Variants in DNM1 observed in about 807,000 individuals in gnomAD.
DNM1 encodes dynamin-1.
Under a neutral mutation model 104.6 loss-of-function variants are expected in DNM1, and 29 were observed. The observed-to-expected ratio is 0.28, with a 90% CI of 0.21 to 0.38. DNM1 has a LOEUF of 0.38. Among genes scored for constraint, DNM1 ranks in the 10% least tolerant of loss-of-function variants. DNM1 has a pLI of 1.00. For synonymous variants in DNM1, 445 were observed against 475.8 expected, an observed-to-expected ratio of 0.94 and a Z score of 0.84; for missense variants, 640 against 1,189.4, an observed-to-expected ratio of 0.54 and a Z score of 6.79.
rs1249567677 is a variant in DNM1 at position 128,255,041 on chromosome 9, T to C, written c.*327T>C. ...TTGTGGCCCAACTACCAGAGAACGC[T>C]GTCCCCCGACATCCCACTCCAAAGT... On this transcript the variant is annotated 3_prime_UTR_variant, in exon 22 of 22. Transcript: ENST00000372923. 4.6e-6 allele frequency: 1 copy of C among 219,710 alleles called. No homozygotes were observed. The highest frequency in any genetic ancestry group is 2.3e-5 in the African/African-American group (1 of 42,610). The allele number at this position is 219,710 out of a possible 1,614,324, so 13.6% of individuals were successfully genotyped here.
chr9:128,214,665 G>A (rs1473443270), intron 1 of DNM1, among the ~76,000 whole-genome samples: 1 of 152,194 alleles, frequency 6.6e-6, no homozygotes, highest in African/African-American at 2.4e-5. Flanking sequence ...GTTCCTGAGA[G>A]GTGTTTGTTT....
At chr9:128,226,136 G>T (rs1333989754) in intron 10 of DNM1, 1 of 1,612,900 alleles carries the variant, frequency 6.2e-7, no homozygotes. Flanking sequence ...ATGGTAGTCA[G>T]TGAGCTCACA....
At chr9:128,208,352 C>T (rs891089593) in intron 1 of DNM1, among the ~76,000 whole-genome samples, 1 of 152,240 alleles carries the variant, frequency 6.6e-6, no homozygotes, top group Non-Finnish European at 1.5e-5. Flanking sequence ...AGCCATAGCA[C>T]TCAGCTCTCT....
intron 19 of DNM1, among the ~76,000 whole-genome samples, chr9:128,249,291 C>G (rs1468602467): frequency 2.0e-5 from 3 of 152,274 alleles, no homozygotes; most frequent in African/African-American, 4.8e-5. Flanking sequence ...AGGAGGATCA[C>G]TTGAGCCCAG....
At chr9:128,237,500 C>T (rs1836089801) in intron 11 of DNM1, among the ~76,000 whole-genome samples, 1 of 152,010 alleles carries the variant, frequency 6.6e-6, no homozygotes, top group Admixed American at 6.6e-5. Flanking sequence ...AACTTGTGAC[C>T]TCAAGCGATC....
rs545443150 is a variant in DNM1 at position 128,247,617 on chromosome 9, C to T, written c.1893+131C>T. ...CTCAGAAATAATAGGAATCCTCCCC[C>T]CTACCCACTCTGGGGGTGGGAACAG... On this transcript the variant is annotated intron_variant, in intron 17 of 21. Transcript: ENST00000372923. The surrounding 1 kb of genome is among the most constrained non-coding windows in gnomAD (Gnocchi z 5.1). The T allele has an allele frequency of 1.3e-4, 102 of 788,778 alleles. No individual in the cohort carries two copies. The Middle Eastern group carries it at 1.9e-3, about 15-fold the overall frequency. 48.9% of individuals were successfully genotyped at this position (788,778 alleles called of 1,614,324 possible). A position where few individuals can be genotyped will look rare whatever the true frequency, so the allele number is the denominator to read the frequency against.
At position 128,243,950 on chromosome 9, in the gene DNM1, T is replaced by C. The variant is rs935283196; in HGVS notation, c.1671+1605T>C. Among the ~76,000 whole-genome samples the C allele has an allele frequency of 6.8e-6, 1 of 148,022 alleles. No homozygotes were observed. Among genetic ancestry groups the C allele is most frequent in the African/African-American group, 2.6e-5 (1 of 37,758 alleles). ...GGGAGGCGGGGTGTGTTTGTGTGTGTGTGTGTGTGTGTGTGTGTGGCTTGT... is the reference window on the plus strand; with the variant it reads ...GGGAGGCGGGGTGTGTTTGTGTGTGCGTGTGTGTGTGTGTGTGTGGCTTGT... On this transcript the variant is annotated intron_variant, in intron 15 of 21. Coordinates refer to ENST00000372923, the MANE Select transcript of DNM1 (RefSeq NM_004408.4). This position sits in a 1 kb window ranked among gnomAD's most constrained non-coding sequence, Gnocchi z 4.0.
intron 12 of DNM1, 52 bp downstream of exon 12, chr9:128,239,567 C>CGTGTGTGTGTGTGTGTGTGTGTGT (rs34036148): frequency 2.3e-6 from 2 of 882,376 alleles, no homozygotes; most frequent in African/African-American, 1.9e-5. Context: ...GAGAAGGTAA[C>CGTGTGTGTGTGTGTGTGTGTGTGT]GTGTGTGTGT....
chr9:128,225,833 G>A (rs989857150), intron 10 of DNM1, among the ~76,000 whole-genome samples: 2 of 151,912 alleles, frequency 1.3e-5, no homozygotes, highest in African/African-American at 4.8e-5. Flanking sequence ...CCAACCCCGG[G>A]TGGCAAGGGA....
In DNM1 at chr9:128,218,394, C is replaced by A; in HGVS notation, c.235+90C>A. 1 of 1,510,894 alleles carries A rather than the reference C, an allele frequency of 6.6e-7. No individual in the cohort carries two copies. The highest frequency in any genetic ancestry group is 9.2e-7 in the Non-Finnish European group (1 of 1,086,594). 93.6% of individuals were successfully genotyped at this position (1,510,894 alleles called of 1,614,324 possible). Reference sequence around the variant, plus strand: ...GAGGGCCAGCCTGGCCACGAACTTGCTTGCTGTGTGACTGTGGGCCTCGTT... The same window carrying A: ...GAGGGCCAGCCTGGCCACGAACTTGATTGCTGTGTGACTGTGGGCCTCGTT... On this transcript the variant is annotated intron_variant, in intron 2 of 21. Coordinates refer to ENST00000372923, the MANE Select transcript of DNM1 (RefSeq NM_004408.4). The surrounding 1 kb of genome is among the most constrained non-coding windows in gnomAD (Gnocchi z 4.8).
At chr9:128,219,350 G>T (rs1446153784) in intron 4 of DNM1, 98 bp downstream of exon 4, 3 of 1,094,796 alleles carry the variant, frequency 2.7e-6, no homozygotes, top group Non-Finnish European at 4.1e-6. Flanking sequence ...AAGAATAGCG[G>T]TGGGATCAGA....
At chr9:128,232,951 C>T (rs1053351003) in intron 10 of DNM1, among the ~76,000 whole-genome samples, 1 of 152,192 alleles carries the variant, frequency 6.6e-6, no homozygotes, top group African/African-American at 2.4e-5. Context: ...GGGACAGTTG[C>T]CACCCAGTTG....
At chr9:128,246,851 T>C (rs567915399) in intron 16 of DNM1, 78 of 326,754 alleles carry the variant, frequency 2.4e-4, no homozygotes, top group South Asian at 1.1e-3. Context: ...GTATAGTGCA[T>C]GCTCTTCATG....
intron 10 of DNM1, among the ~76,000 whole-genome samples, chr9:128,229,918 A>G (rs1024628087): frequency 6.7e-6 from 1 of 149,994 alleles, no homozygotes; most frequent in Admixed American, 6.7e-5. Context: ...GTCTCAAAGG[A>G]AAAAAAAGGG....
intron 6 of DNM1, among the ~76,000 whole-genome samples, chr9:128,221,570 T>A (rs918583117): frequency 1.3e-5 from 2 of 152,152 alleles, no homozygotes; most frequent in African/African-American, 4.8e-5. Context: ...GGGGCAGCCC[T>A]CTGGCCACCC....
Position 128,203,435 on chromosome 9 carries a change from G to T in DNM1, c.-36G>T. On this transcript the variant is annotated 5_prime_UTR_variant, in exon 1 of 22. Transcript: ENST00000372923. The surrounding 1 kb of genome is among the most constrained non-coding windows in gnomAD (Gnocchi z 5.3). The stretch of plus-strand genomic sequence containing the variant: ...GGAGTCGGAGCCGGGAGCGCTAGCG[G>T]CAGCCGGATCGCAGCCTGCGGGGCC... The T allele has an allele frequency of 7.0e-7, 1 of 1,430,746 alleles. No individual in the cohort carries two copies. Among genetic ancestry groups the T allele is most frequent in the Non-Finnish European group, 9.2e-7 (1 of 1,088,486 alleles). 88.6% of individuals were successfully genotyped at this position (1,430,746 alleles called of 1,614,324 possible).
In DNM1 at chr9:128,220,765, G is replaced by GTGTGTGTC. The variant is rs1432585973; in HGVS notation, c.849+427_849+428insGTGTCTGT. The stretch of plus-strand genomic sequence containing the variant: ...CGCGTGTGTGTGTGTGTGTGTGTGT[G>GTGTGTGTC]TGTCTGTCTGACTGTCTGTCTGTGT... On this transcript the variant is annotated intron_variant, in intron 6 of 21. Coordinates refer to ENST00000372923, the MANE Select transcript of DNM1 (RefSeq NM_004408.4). This position sits in a 1 kb window ranked among gnomAD's most constrained non-coding sequence, Gnocchi z 5.2. Among the ~76,000 whole-genome samples, 5 of 151,664 alleles carry GTGTGTGTC rather than the reference G, an allele frequency of 3.3e-5. No individual in the cohort carries two copies. Among genetic ancestry groups the GTGTGTGTC allele is most frequent in the African/African-American group, 1.2e-4 (5 of 41,324 alleles).
At chr9:128,237,163 C>G (rs1466458432) in intron 11 of DNM1, among the ~76,000 whole-genome samples, 4 of 152,132 alleles carry the variant, frequency 2.6e-5, no homozygotes, top group Admixed American at 2.0e-4. Flanking sequence ...AAGTCTTTGT[C>G]CCATCTGGAA....
rs1836889556 is a variant in DNM1 at position 128,247,319 on chromosome 9, C to A, written c.1782-56C>A. 2 of 1,305,478 alleles carry A rather than the reference C, an allele frequency of 1.5e-6. No homozygotes were observed. Among genetic ancestry groups the A allele is most frequent in the East Asian group, 2.4e-5 (1 of 41,026 alleles). The allele number at this position is 1,305,478 out of a possible 1,614,324, so 80.9% of individuals were successfully genotyped here. ...CCCAAAGTCTGGGCATGCCCTTAAC[C>A]CCCAGGGAGGGTCAGACTTTGCCCA... On this transcript the variant is annotated intron_variant, in intron 16 of 21. Transcript: ENST00000372923. This position sits in a 1 kb window ranked among gnomAD's most constrained non-coding sequence, Gnocchi z 5.1.
Sources: gnomAD v4.1 joint callset for allele counts (sites outside exome capture counted in the v4.1 genomes callset) on GRCh38, gnomAD v4.1.1 for gene constraint, Gnocchi (gnomAD v3.1) non-coding constraint, MANE v1.5 for transcripts, NCBI Gene and HGNC (gene_info 2026-07-23, HGNC 2026-07-21) for gene names.